Variants in BANK1 observed in about 807,000 individuals in gnomAD.
BANK1 encodes the protein B-cell scaffold protein with ankyrin repeats.
In BANK1, 95 loss-of-function variants were observed where a neutral mutation model predicts 94.5. That is an observed-to-expected ratio of 1.00 (90% CI 0.85 to 1.19). The LOEUF (loss-of-function observed/expected upper bound fraction) is 1.19, where lower values mean the gene tolerates loss of function less well. Ranked by LOEUF, BANK1 falls within the 50% of genes most tolerant of loss-of-function variation. BANK1 has a pLI of 0.00. For synonymous variants in BANK1, 334 were observed against 308.4 expected (o/e 1.08, Z -0.87); for missense variants, 987 against 932.2 (o/e 1.06, Z -0.77).
chr4:102,024,564 G>A (rs1727015546), intron 8 of BANK1, among the ~76,000 whole-genome samples: 1 of 151,962 alleles, frequency 6.6e-6, no homozygotes, highest in Non-Finnish European at 1.5e-5. Context: ...TTTCTGGGTA[G>A]AATGCATTTA....
intron 8 of BANK1, among the ~76,000 whole-genome samples, chr4:102,023,406 TA>T: frequency 6.6e-6 from 1 of 152,328 alleles, no homozygotes; most frequent in Non-Finnish European, 1.5e-5. Context: ...AATGACCATA[TA>T]TTTATCATGA....
intron 5 of BANK1, among the ~76,000 whole-genome samples, chr4:101,874,165 T>C (rs1006092800): frequency 3.3e-5 from 5 of 152,220 alleles, no homozygotes; most frequent in African/African-American, 1.2e-4. Context: ...CAGGTACACT[T>C]CTGTTTTTAT....
intron 7 of BANK1, among the ~76,000 whole-genome samples, chr4:101,991,968 C>G (rs2148932349): frequency 6.6e-6 from 1 of 152,242 alleles, no homozygotes; most frequent in Non-Finnish European, 1.5e-5. Context: ...AGCCTGAGAG[C>G]AAATGAACCA....
At chr4:101,972,907 GCCAAGCA>G (rs1725003158) in intron 7 of BANK1, 1 of 152,086 alleles carries the variant, frequency 6.6e-6, no homozygotes, top group African/African-American at 2.4e-5. Context: ...ACAGAAATAA[GCCAAGCA>G]CCAAAAGACA....
At chr4:102,007,263 C>T (rs1198622227) in intron 7 of BANK1, among the ~76,000 whole-genome samples, 3 of 147,036 alleles carry the variant, frequency 2.0e-5, no homozygotes, top group Non-Finnish European at 4.5e-5. Flanking sequence ...ATTTGTTGAC[C>T]AGGTAAAACG....
intron 7 of BANK1, among the ~76,000 whole-genome samples, chr4:101,937,848 A>G (rs977433183): frequency 9.9e-5 from 15 of 151,940 alleles, no homozygotes; most frequent in Admixed American, 8.5e-4. Context: ...CCAAATGCCC[A>G]TCAATGATAG....
intron 7 of BANK1, among the ~76,000 whole-genome samples, chr4:102,003,527 C>T (rs1435243511): frequency 6.6e-6 from 1 of 152,164 alleles, no homozygotes; most frequent in Non-Finnish European, 1.5e-5. Flanking sequence ...TACCTCACAG[C>T]ATGGTGGCTG....
At chr4:101,828,779 G>A (rs1157707042) in intron 1 of BANK1, among the ~76,000 whole-genome samples, 2 of 151,916 alleles carry the variant, frequency 1.3e-5, no homozygotes, top group East Asian at 1.9e-4. Context: ...TTCTCTTATT[G>A]TGGTGACTTT....
chr4:101,986,899 G>GTATGTATATATATA (rs1553938270), intron 7 of BANK1, among the ~76,000 whole-genome samples: 1 of 82,670 alleles, frequency 1.2e-5, no homozygotes, highest in African/African-American at 6.4e-5. Flanking sequence ...GTGTGTGTGT[G>GTATGTATATATATA]TATATATATA....
intron 7 of BANK1, among the ~76,000 whole-genome samples, chr4:101,981,177 C>T (rs1725315030): frequency 6.6e-6 from 1 of 151,988 alleles, no homozygotes; most frequent in African/African-American, 2.4e-5. Flanking sequence ...TATTATTCTC[C>T]CATTGAGCCT....
chr4:102,009,226 T>C (rs1450992851), intron 7 of BANK1, among the ~76,000 whole-genome samples: 1 of 152,210 alleles, frequency 6.6e-6, no homozygotes, highest in Non-Finnish European at 1.5e-5. Flanking sequence ...AACTTGAGTG[T>C]TGGAAAGTGG....
intron 7 of BANK1, among the ~76,000 whole-genome samples, chr4:101,987,763 T>G (rs1725566053): frequency 6.6e-6 from 1 of 152,188 alleles, no homozygotes; most frequent in Non-Finnish European, 1.5e-5. Flanking sequence ...GTGAGAGTCA[T>G]TAGACATCTT....
chr4:102,008,149 A>G (rs1726367010), intron 7 of BANK1, among the ~76,000 whole-genome samples: 1 of 152,146 alleles, frequency 6.6e-6, no homozygotes, highest in African/African-American at 2.4e-5. Flanking sequence ...GTACAAAGAG[A>G]TGTGGACTTA....
intron 12 of BANK1, chr4:102,062,800 C>T: frequency 3.0e-6 from 1 of 328,118 alleles, no homozygotes; most frequent in Non-Finnish European, 5.8e-6. Flanking sequence ...TTGACTCTAC[C>T]ACTTATAACT....
At chr4:101,852,991 T>C (rs889988763) in intron 2 of BANK1, among the ~76,000 whole-genome samples, 12 of 152,114 alleles carry the variant, frequency 7.9e-5, no homozygotes, top group African/African-American at 2.7e-4. Context: ...CTCACAAAAG[T>C]ATTGAGCCAG....
intron 7 of BANK1, among the ~76,000 whole-genome samples, chr4:101,970,352 A>C (rs1448692329): frequency 6.6e-6 from 1 of 152,192 alleles, no homozygotes; most frequent in African/African-American, 2.4e-5. Flanking sequence ...CAATTGCATA[A>C]TGAACTATGG....
chr4:101,952,271 GT>G (rs1463930924), intron 7 of BANK1, among the ~76,000 whole-genome samples: 9 of 151,988 alleles, frequency 5.9e-5, no homozygotes, highest in Admixed American at 3.3e-4. Flanking sequence ...TTGGTTATAT[GT>G]TTTTTCGCTT....
At chr4:101,882,924 T>C (rs74554194) in intron 5 of BANK1, among the ~76,000 whole-genome samples, 95 of 152,338 alleles carry the variant, frequency 6.2e-4, no homozygotes, top group African/African-American at 2.1e-3. Context: ...TCTGTGTATC[T>C]TCCATCACTT....
intron 2 of BANK1, among the ~76,000 whole-genome samples, chr4:101,853,523 G>T (rs1271176586): frequency 6.6e-6 from 1 of 152,146 alleles, no homozygotes. Context: ...ACATCAGGGA[G>T]AACCATGGGG....
Sources: allele counts gnomAD v4.1 joint callset (sites outside exome capture counted in the v4.1 genomes callset), GRCh38; gene constraint gnomAD v4.1.1; transcripts MANE v1.5; gene names NCBI Gene and HGNC (gene_info 2026-07-23, HGNC 2026-07-21).